Variants in RASSF3 observed in about 807,000 individuals in gnomAD.
The protein encoded by RASSF3 is ras association domain-containing protein 3.
RASSF3 carries 19 observed loss-of-function variants against 19.9 expected under a neutral mutation model. The observed-to-expected ratio is 0.96, with a 90% CI of 0.67 to 1.40. The LOEUF (loss-of-function observed/expected upper bound fraction) is 1.40, where lower values mean the gene tolerates loss of function less well. Ranked by LOEUF, RASSF3 falls within the 40% of genes most tolerant of loss-of-function variation. RASSF3 has a pLI of 0.00. For synonymous variants in RASSF3, 110 were observed against 104.2 expected, an observed-to-expected ratio of 1.06 and a Z score of -0.34; for missense variants, 306 against 289.8, an observed-to-expected ratio of 1.06 and a Z score of -0.41.
rs146869191 is a variant in RASSF3, at chr12:64,511,438, C to T, written c.169+4109C>T. ...TGGAGGCTGCAGTGAGCCGAGACCA[C>T]ACCACTGCACTCCAGCCTGGGCAAT... On this transcript the variant is annotated intron_variant, in intron 1 of 5. Transcript: ENST00000637125. Among the ~76,000 whole-genome samples the T allele has an allele frequency of 2.3e-3, 350 of 152,158 alleles. 7 individuals carry two copies. In the East Asian group the frequency reaches 0.042, roughly 18 times the overall value.
chr12:64,574,758 G>A (rs559633056), intron 2 of RASSF3, among the ~76,000 whole-genome samples: 3 of 152,308 alleles, frequency 2.0e-5, no homozygotes, highest in African/African-American at 7.2e-5. Flanking sequence ...AGAGCTCCTA[G>A]CTGAGCTGCA....
At chr12:64,610,806 G>T in intron 1 of RASSF3, 63 bp downstream of exon 1, 1 of 1,063,834 alleles carries the variant, frequency 9.4e-7, no homozygotes, top group Non-Finnish European at 1.3e-6. Context: ...CCGCCAGCCC[G>T]CGCCCCCTGC....
chr12:64,538,745 A>G (rs1258042352), intron 1 of RASSF3, among the ~76,000 whole-genome samples: 1 of 152,100 alleles, frequency 6.6e-6, no homozygotes, highest in Non-Finnish European at 1.5e-5. Context: ...TTCTATGTAT[A>G]TATTTTTAAA....
chr12:64,522,008 A>G (rs1868488306), intron 1 of RASSF3, among the ~76,000 whole-genome samples: 1 of 152,170 alleles, frequency 6.6e-6, no homozygotes, highest in African/African-American at 2.4e-5. Context: ...AAATTATACA[A>G]CGCTCATCTT....
downstream of RASSF3, among the ~76,000 whole-genome samples, chr12:64,543,421 G>GCCCGCCCGCCCCCCCC (rs1565836074): frequency 1.3e-4 from 7 of 55,902 alleles, no homozygotes; most frequent in East Asian, 2.2e-3. Flanking sequence ...CCCGCCCCCC[G>GCCCGCCCGCCCCCCCC]GCTCCCCGCC....
At chr12:64,578,154 C>T (rs374573636) in intron 2 of RASSF3, among the ~76,000 whole-genome samples, 14 of 151,990 alleles carry the variant, frequency 9.2e-5, no homozygotes, top group African/African-American at 2.7e-4. Flanking sequence ...ACCTGGGAGG[C>T]GAAGGTTGCA....
chr12:64,626,353 TG>T (rs1379072851), intron 1 of RASSF3, among the ~76,000 whole-genome samples: 1 of 151,946 alleles, frequency 6.6e-6, no homozygotes, highest in African/African-American at 2.4e-5. Context: ...TGGGCCAACA[TG>T]GTGAAACCCT....
rs888921184 is a variant in RASSF3 at position 64,695,242 on chromosome 12, T to C, written c.*330T>C. On this transcript the variant is annotated 3_prime_UTR_variant, in exon 5 of 5. Transcript: ENST00000542104. ...GGTTATTTTAATTATGTGATGATGC[T>C]GTTAAGCTTACAGATATGCAGTTGA... 4.6e-6 allele frequency: 1 copy of C among 217,480 alleles called. No homozygotes were observed. The highest frequency in any genetic ancestry group is 5.4e-5 in the Admixed American group (1 of 18,598). The allele number at this position is 217,480 out of a possible 1,614,324, so 13.5% of individuals were successfully genotyped here.
intron 1 of RASSF3, among the ~76,000 whole-genome samples, chr12:64,539,606 T>A (rs1868900876): frequency 6.6e-6 from 1 of 151,992 alleles, no homozygotes; most frequent in Admixed American, 6.6e-5. Flanking sequence ...TGAAACCCCA[T>A]CTCTACAAAA....
intron 1 of RASSF3, among the ~76,000 whole-genome samples, chr12:64,673,400 A>G (rs1872769509): frequency 6.6e-6 from 1 of 152,068 alleles, no homozygotes; most frequent in South Asian, 2.1e-4. Flanking sequence ...CTTACTTTGT[A>G]TTTATTGTTT....
chr12:64,682,625 G>A (rs1471287100), intron 1 of RASSF3, among the ~76,000 whole-genome samples: 2 of 150,556 alleles, frequency 1.3e-5, no homozygotes, highest in Non-Finnish European at 3.0e-5. Context: ...ACCCCTCTTA[G>A]GGTCTAAAGT....
chr12:64,660,604 G>A (rs1424641059), intron 1 of RASSF3, among the ~76,000 whole-genome samples: 1 of 152,162 alleles, frequency 6.6e-6, no homozygotes, highest in Non-Finnish European at 1.5e-5. Context: ...TTTAAAAAAA[G>A]GTAGTGACTA....
At chr12:64,522,583 C>A (rs964719627) in intron 1 of RASSF3, among the ~76,000 whole-genome samples, 1 of 152,148 alleles carries the variant, frequency 6.6e-6, no homozygotes, top group Non-Finnish European at 1.5e-5. Flanking sequence ...ATTGCAGCTA[C>A]CAGATTGTCT....
chr12:64,566,930 T>C (rs757843597), intron 2 of RASSF3, among the ~76,000 whole-genome samples: 5 of 152,186 alleles, frequency 3.3e-5, no homozygotes, highest in Non-Finnish European at 7.3e-5. Flanking sequence ...AGCGATTAGG[T>C]CCAGATTAAG....
At chr12:64,549,657 T>C (rs1338756594) in intron 2 of RASSF3, among the ~76,000 whole-genome samples, 1 of 152,126 alleles carries the variant, frequency 6.6e-6, no homozygotes, top group African/African-American at 2.4e-5. Flanking sequence ...GCTCCCCTCC[T>C]GTGGGGGGTG....
intron 2 of RASSF3, among the ~76,000 whole-genome samples, chr12:64,587,475 T>C (rs1869832630): frequency 6.6e-6 from 1 of 152,208 alleles, no homozygotes; most frequent in Admixed American, 6.6e-5. Flanking sequence ...ATTTGGCTGT[T>C]TCATCTACAA....
At chr12:64,571,034 A>G (rs1300177786) in intron 2 of RASSF3, among the ~76,000 whole-genome samples, 2 of 152,088 alleles carry the variant, frequency 1.3e-5, no homozygotes, top group Non-Finnish European at 2.9e-5. Context: ...CCTGGCCAAC[A>G]TGGTGAAACC....
downstream of RASSF3, among the ~76,000 whole-genome samples, chr12:64,543,913 T>G (rs192401320): frequency 3.9e-4 from 59 of 152,048 alleles, 1 homozygote; most frequent in African/African-American, 1.3e-3. Flanking sequence ...TTTGTGTCTA[T>G]CTCAGGGATT....
At chr12:64,692,932 A>G (rs1265172168) in intron 4 of RASSF3, among the ~76,000 whole-genome samples, 2 of 152,226 alleles carry the variant, frequency 1.3e-5, no homozygotes, top group Non-Finnish European at 2.9e-5. Flanking sequence ...AGACTGCTGT[A>G]CTGGACCTCT....
Sources: allele counts gnomAD v4.1 joint callset (sites outside exome capture counted in the v4.1 genomes callset), GRCh38; gene constraint gnomAD v4.1.1; transcripts MANE v1.5; gene names NCBI Gene and HGNC (gene_info 2026-07-23, HGNC 2026-07-21).